Variants in SH3D19 observed in about 807,000 individuals in gnomAD.
SH3D19 encodes the protein SH3 domain containing 19.
Under a neutral mutation model 112.1 loss-of-function variants are expected in SH3D19, and 58 were observed. The ratio of observed to expected loss-of-function variants is 0.52; its 90% CI spans 0.42 to 0.64. The LOEUF (loss-of-function observed/expected upper bound fraction) is 0.64. Ranked by LOEUF, SH3D19 falls within the 30% of genes least tolerant of loss-of-function variation. The pLI is 0.00. For missense variants in SH3D19, 1,090 were observed against 1,263.4 expected (o/e 0.86, Z 2.08); for synonymous variants, 391 against 448.5 (o/e 0.87, Z 1.62).
At chr4:151,300,307 A>G (rs531803936) in intron 1 of SH3D19, among the ~76,000 whole-genome samples, 1 of 152,296 alleles carries the variant, frequency 6.6e-6, no homozygotes, top group East Asian at 1.9e-4. Flanking sequence ...GCGTGATACT[A>G]TACACATCAG....
At chr4:151,318,877 T>C (rs1730270431) in intron 1 of SH3D19, among the ~76,000 whole-genome samples, 1 of 152,250 alleles carries the variant, frequency 6.6e-6, no homozygotes, top group African/African-American at 2.4e-5. Context: ...CACCATGGAC[T>C]ACTTTATATT....
intron 1 of SH3D19, among the ~76,000 whole-genome samples, chr4:151,235,861 T>A (rs967280860): frequency 8.5e-5 from 13 of 152,202 alleles, no homozygotes; most frequent in Non-Finnish European, 1.6e-4. Context: ...GACAATGTTA[T>A]CTCATTATCA....
At chr4:151,302,867 G>A (rs549450370) in intron 1 of SH3D19, among the ~76,000 whole-genome samples, 29 of 151,586 alleles carry the variant, frequency 1.9e-4, no homozygotes, top group South Asian at 1.9e-3. Flanking sequence ...GGGGCCTGTC[G>A]TGGGGTGGGG....
At chr4:151,304,841 T>A (rs1728782838) in intron 1 of SH3D19, among the ~76,000 whole-genome samples, 1 of 152,124 alleles carries the variant, frequency 6.6e-6, no homozygotes, top group South Asian at 2.1e-4. Flanking sequence ...ACTGTCAGAA[T>A]ATGCACAAAG....
At chr4:151,130,815 C>T (rs1218729435) in intron 17 of SH3D19, among the ~76,000 whole-genome samples, 2 of 152,004 alleles carry the variant, frequency 1.3e-5, no homozygotes, top group Non-Finnish European at 2.9e-5. Flanking sequence ...TGGCAGGCAC[C>T]TGTAAACCCA....
chr4:151,155,597 C>T lies in SH3D19; in HGVS notation c.1755+3643G>A, dbSNP rs575953949. On this transcript the variant is annotated intron_variant, in intron 9 of 19. Coordinates refer to ENST00000604030, the MANE Select transcript of SH3D19 (RefSeq NM_001378122.1). ...ATGCCATATGGACATTTAAAAAAAA[C>T]GACTGGGGTCTGGCGTGGTTGCTCA... is the stretch of plus-strand genomic sequence containing the variant. 3.9e-5 allele frequency among the ~76,000 whole-genome samples: 6 copies of T among 151,978 alleles called. No homozygotes were observed. In the East Asian group the frequency reaches 7.7e-4, roughly 20 times the overall value.
At chr4:151,291,334 C>A (rs13126069) in intron 1 of SH3D19, 2 of 1,613,216 alleles carry the variant, frequency 1.2e-6, no homozygotes, top group African/African-American at 2.7e-5. Context: ...GGCTCTCCTG[C>A]GTCCCTCCTG....
chr4:151,219,941 T>TA (rs1767755716), intron 2 of SH3D19, among the ~76,000 whole-genome samples: 1 of 152,258 alleles, frequency 6.6e-6, no homozygotes, highest in Non-Finnish European at 1.5e-5. Flanking sequence ...TTTAGATTTT[T>TA]ATCTCATGTC....
chr4:151,191,523 T>G (rs1382592222), intron 2 of SH3D19, among the ~76,000 whole-genome samples: 3 of 152,166 alleles, frequency 2.0e-5, no homozygotes, highest in South Asian at 2.1e-4. Flanking sequence ...GTTCTCATGA[T>G]AGTGAATAAG....
At chr4:151,187,772 C>G (rs1011010283) in intron 2 of SH3D19, among the ~76,000 whole-genome samples, 1 of 152,096 alleles carries the variant, frequency 6.6e-6, no homozygotes, top group African/African-American at 2.4e-5. Context: ...CATTACATGG[C>G]GCTCAAAAGA....
rs1373385625 is a variant in SH3D19 at position 151,214,577 on chromosome 4, G to A, written c.152+11470C>T. Among the ~76,000 whole-genome samples the A allele has an allele frequency of 2.8e-5, 4 of 144,648 alleles. 1 individual carries two copies. The East Asian group carries it at 8.8e-4, about 32-fold the overall frequency. 94.9% of individuals were successfully genotyped at this position (144,648 alleles called of 152,430 possible). On this transcript the variant is annotated intron_variant, in intron 2 of 19. Coordinates refer to ENST00000604030, the MANE Select transcript of SH3D19 (RefSeq NM_001378122.1). The stretch of plus-strand genomic sequence containing the variant: ...CACCTCCCGGACGGGGAGGCTGGCC[G>A]GGCAGGGGGCTGACCCCCCACCTCC...
chr4:151,189,105 G>A (rs1171162142), intron 2 of SH3D19, among the ~76,000 whole-genome samples: 2 of 151,918 alleles, frequency 1.3e-5, no homozygotes, highest in Admixed American at 6.6e-5. Context: ...TTCTGTTTTT[G>A]TTTTTGTTTT....
rs374157392 is a variant in SH3D19 at position 151,149,379 on chromosome 4, C to T, written c.1817+121G>A. The T allele has an allele frequency of 3.7e-5, 27 of 726,548 alleles. No homozygotes were observed. The African/African-American group carries it at 3.9e-4, about 10-fold the overall frequency. The allele number at this position is 726,548 out of a possible 1,614,324, so 45.0% of individuals were successfully genotyped here. A position where few individuals can be genotyped will look rare whatever the true frequency, so the allele number is the denominator to read the frequency against. ...AGTGGATTAGGGGCCTGCGTGAAAT[C>T]GGTGAGATTATTTTATCTCTAAAAA... On this transcript the variant is annotated intron_variant, in intron 10 of 19. Transcript: ENST00000604030.
At chr4:151,181,378 C>T (rs947717968) in intron 3 of SH3D19, among the ~76,000 whole-genome samples, 1 of 152,152 alleles carries the variant, frequency 6.6e-6, no homozygotes, top group Non-Finnish European at 1.5e-5. Flanking sequence ...GGAGCCGTAA[C>T]AGGTGAACCT....
chr4:151,147,642 T>C (rs928051372), intron 11 of SH3D19, among the ~76,000 whole-genome samples: 1 of 152,208 alleles, frequency 6.6e-6, no homozygotes, highest in Non-Finnish European at 1.5e-5. Flanking sequence ...TTTGTAATTT[T>C]AGTAGAGACA....
intron 1 of SH3D19, among the ~76,000 whole-genome samples, chr4:151,275,865 C>T (rs1226707221): frequency 7.3e-5 from 9 of 122,620 alleles, no homozygotes; most frequent in East Asian, 7.0e-4. Context: ...TTTTTTTAGA[C>T]GGAGTCTCGC....
At chr4:151,321,558 T>C (rs1730536917) in intron 1 of SH3D19, among the ~76,000 whole-genome samples, 2 of 152,180 alleles carry the variant, frequency 1.3e-5, no homozygotes, top group Admixed American at 6.5e-5. Context: ...CTAAGTCCTA[T>C]AAGTTAGCCT....
At chr4:151,198,382 T>A (rs1393360581) in intron 2 of SH3D19, among the ~76,000 whole-genome samples, 1 of 39,052 alleles carries the variant, frequency 2.6e-5, no homozygotes, top group African/African-American at 4.6e-5. Flanking sequence ...AAAAATTATA[T>A]AATATATAAT....
intron 1 of SH3D19, among the ~76,000 whole-genome samples, chr4:151,315,437 C>A (rs952149719): frequency 2.6e-5 from 4 of 152,182 alleles, no homozygotes; most frequent in South Asian, 2.1e-4. Flanking sequence ...ACAGAGGACT[C>A]TAGTGTAAAT....
Sources: gnomAD v4.1 joint callset for allele counts (sites outside exome capture counted in the v4.1 genomes callset) on GRCh38, gnomAD v4.1.1 for gene constraint, MANE v1.5 for transcripts, NCBI Gene and HGNC (gene_info 2026-07-23, HGNC 2026-07-21) for gene names.